The following DGLUCY variants were observed in gnomAD, a reference collection of about 807,000 sequenced individuals.
DGLUCY encodes the protein D-glutamate cyclase, mitochondrial.
DGLUCY carries 58 observed loss-of-function variants against 58.5 expected under a neutral mutation model. The ratio of observed to expected loss-of-function variants is 0.99; its 90% CI spans 0.80 to 1.23. The LOEUF (loss-of-function observed/expected upper bound fraction) is 1.23. DGLUCY is among the 50% of genes most tolerant of loss of function. The pLI is 0.00. For missense variants in DGLUCY, 779 were observed against 784.7 expected (o/e 0.99, Z 0.09); for synonymous variants, 325 against 314.1 (o/e 1.03, Z -0.37).
intron 7 of DGLUCY, among the ~76,000 whole-genome samples, chr14:91,176,603 T>C (rs1205679045): frequency 6.6e-6 from 1 of 152,150 alleles, no homozygotes; most frequent in Non-Finnish European, 1.5e-5. Flanking sequence ...TTGTCGTTGG[T>C]TTTTTGGTTT....
intron 9 of DGLUCY, among the ~76,000 whole-genome samples, chr14:91,190,967 A>G (rs1473311981): frequency 3.3e-5 from 5 of 152,136 alleles, no homozygotes; most frequent in Non-Finnish European, 4.4e-5. Flanking sequence ...CTCATGGCAC[A>G]TCCCTTCAGC....
chr14:91,168,831 A>G (rs2048417435), intron 4 of DGLUCY, among the ~76,000 whole-genome samples: 1 of 152,222 alleles, frequency 6.6e-6, no homozygotes, highest in East Asian at 1.9e-4. Flanking sequence ...TCACGCCTGT[A>G]ATCCCAGCAC....
At chr14:91,152,838 TGACTG>T (rs763822077) in intron 1 of DGLUCY, among the ~76,000 whole-genome samples, 4 of 152,218 alleles carry the variant, frequency 2.6e-5, no homozygotes, top group South Asian at 2.1e-4. Flanking sequence ...AGGATCTTCT[TGACTG>T]GACTGGAAGC....
chr14:91,172,352 T>TA (rs1331169635), intron 5 of DGLUCY, among the ~76,000 whole-genome samples: 1 of 152,206 alleles, frequency 6.6e-6, no homozygotes, highest in African/African-American at 2.4e-5. Flanking sequence ...GTGCTGGTAT[T>TA]ACAGGCATGA....
intron 12 of DGLUCY, among the ~76,000 whole-genome samples, chr14:91,209,202 G>T (rs958394579): frequency 6.6e-6 from 1 of 152,106 alleles, no homozygotes; most frequent in Non-Finnish European, 1.5e-5. Flanking sequence ...GGCAGAGGTT[G>T]CAGTAAGCCG....
intron 13 of DGLUCY, among the ~76,000 whole-genome samples, chr14:91,223,396 T>C (rs1887789293): frequency 6.6e-6 from 1 of 152,194 alleles, no homozygotes; most frequent in Non-Finnish European, 1.5e-5. Flanking sequence ...TAATGTCCTA[T>C]TCTAGATTCC....
intron 8 of DGLUCY, among the ~76,000 whole-genome samples, chr14:91,187,150 C>T (rs896410697): frequency 1.3e-5 from 2 of 152,128 alleles, no homozygotes; most frequent in Non-Finnish European, 1.5e-5. Context: ...CAGGCACCCA[C>T]CACCATGCCT....
chr14:91,085,985 C>A (rs939508653), intron 1 of DGLUCY, among the ~76,000 whole-genome samples: 2 of 152,218 alleles, frequency 1.3e-5, no homozygotes, highest in African/African-American at 2.4e-5. Flanking sequence ...AGCAAGCAAT[C>A]TGTGTTTACA....
intron 12 of DGLUCY, among the ~76,000 whole-genome samples, chr14:91,211,532 A>T (rs1455225595): frequency 6.6e-6 from 1 of 152,256 alleles, no homozygotes; most frequent in African/African-American, 2.4e-5. Flanking sequence ...CCACACAAAT[A>T]GGGCCACACA....
intron 1 of DGLUCY, among the ~76,000 whole-genome samples, chr14:91,118,230 C>G (rs2045120992): frequency 6.6e-6 from 1 of 151,710 alleles, no homozygotes; most frequent in South Asian, 2.1e-4. Flanking sequence ...ACAGGCACCA[C>G]CACCCCCACC....
chr14:91,162,620 G>A (rs2048053937), intron 3 of DGLUCY, among the ~76,000 whole-genome samples: 1 of 152,168 alleles, frequency 6.6e-6, no homozygotes, highest in Non-Finnish European at 1.5e-5. Context: ...CAAAGGGCCG[G>A]GCACGGTGGC....
At chr14:91,212,202 C>T (rs12587020) in intron 12 of DGLUCY, among the ~76,000 whole-genome samples, 69,636 of 152,050 alleles carry the variant, frequency 0.46, 18,130 homozygotes, top group East Asian at 0.68. Flanking sequence ...GCCCTGCAAA[C>T]GACAATGTTA....
intron 8 of DGLUCY, among the ~76,000 whole-genome samples, chr14:91,183,656 T>C (rs2049318107): frequency 6.6e-6 from 1 of 152,158 alleles, no homozygotes; most frequent in Non-Finnish European, 1.5e-5. Flanking sequence ...TGACTCTACG[T>C]GGAGGCAGCT....
chr14:91,081,573 C>T (rs184226940), intron 1 of DGLUCY, among the ~76,000 whole-genome samples: 14 of 152,116 alleles, frequency 9.2e-5, no homozygotes, highest in East Asian at 5.8e-4. Context: ...GGGCTAAGAT[C>T]GAGGCATCGG....
intron 7 of DGLUCY, among the ~76,000 whole-genome samples, chr14:91,176,513 C>T (rs957534944): frequency 6.6e-6 from 1 of 152,138 alleles, no homozygotes; most frequent in Non-Finnish European, 1.5e-5. Flanking sequence ...CGTGAGTCAT[C>T]GCGCCTGGCC....
chr14:91,127,733 C>T (rs541425973), intron 1 of DGLUCY, among the ~76,000 whole-genome samples: 1 of 152,356 alleles, frequency 6.6e-6, no homozygotes, highest in South Asian at 2.1e-4. Context: ...CTGACTTTTG[C>T]AATCCTGAAA....
intron 1 of DGLUCY, among the ~76,000 whole-genome samples, chr14:91,074,312 A>AATAT (rs71120111): frequency 3.6e-4 from 44 of 121,870 alleles, no homozygotes; most frequent in Middle Eastern, 3.9e-3. Context: ...AAAAAAAAAA[A>AATAT]ATATATATAT....
intron 7 of DGLUCY, among the ~76,000 whole-genome samples, chr14:91,178,641 T>G (rs961791306): frequency 5.3e-5 from 8 of 152,322 alleles, no homozygotes; most frequent in African/African-American, 1.7e-4. Context: ...AAATTCATCA[T>G]CAGATTCAAG....
chr14:91,212,651 A>G (rs1885866578), intron 12 of DGLUCY, among the ~76,000 whole-genome samples: 1 of 152,050 alleles, frequency 6.6e-6, no homozygotes, highest in African/African-American at 2.4e-5. Flanking sequence ...ACAGTGAGCT[A>G]TGATTGCGCC....
Sources: allele counts gnomAD v4.1 joint callset (sites outside exome capture counted in the v4.1 genomes callset), GRCh38; gene constraint gnomAD v4.1.1; transcripts MANE v1.5; gene names NCBI Gene and HGNC (gene_info 2026-07-23, HGNC 2026-07-21).